The following DNAAF9 variants were observed in gnomAD, a reference collection of about 807,000 sequenced individuals.
The protein encoded by DNAAF9 is shulin.
In DNAAF9, 90 loss-of-function variants were observed where a neutral mutation model predicts 167.0. That is an observed-to-expected ratio of 0.54 (90% confidence interval 0.45 to 0.64). The LOEUF is 0.64. Ranked by LOEUF, DNAAF9 falls within the 30% of genes least tolerant of loss-of-function variation. DNAAF9 has a pLI of 0.00. For missense variants in DNAAF9, 1,315 were observed against 1,442.2 expected (o/e 0.91, Z 1.43); for synonymous variants, 491 against 508.8 (o/e 0.96, Z 0.47).
intron 26 of DNAAF9, among the ~76,000 whole-genome samples, chr20:3,288,572 T>C (rs1263220225): frequency 1.3e-5 from 2 of 152,220 alleles, no homozygotes; most frequent in East Asian, 3.8e-4. Context: ...TTCCCAAGCA[T>C]TGCTCTGTAA....
chr20:3,340,454 C>CCCCCCCCCCAG, intron 10 of DNAAF9, 50 bp downstream of exon 10: 1 of 1,053,078 alleles, frequency 9.5e-7, no homozygotes, highest in Non-Finnish European at 1.3e-6. Flanking sequence ...ACCCCACCCC[C>CCCCCCCCCCAG]ACAACTTGAT....
chr20:3,259,923 T>C lies in DNAAF9; in HGVS notation c.2979A>G (p.Lys993=), dbSNP rs2068350548. 1.9e-6 allele frequency: 3 copies of C among 1,584,790 alleles called. No homozygotes were observed. Among genetic ancestry groups the C allele is most frequent in the Non-Finnish European group, 2.6e-6 (3 of 1,153,144 alleles). The stretch of plus-strand genomic sequence containing the variant: ...TAGGACATCTCAGTCAAGGCTTACC[T>C]TTACATTTGGCCACAAAGCGAGTCT... ...LEKTRFVAKC[K]AIQSSIKPSP... is the part of the protein sequence containing the mutation. The change falls in exon 32 of 37, where the codon AAA becomes AAG. Residue 993 remains lysine, a splice_region_variant and synonymous_variant. Coordinates refer to ENST00000252032, the MANE Select transcript of DNAAF9 (RefSeq NM_001009984.3).
intron 30 of DNAAF9, among the ~76,000 whole-genome samples, chr20:3,265,946 T>C (rs1028465614): frequency 6.6e-6 from 1 of 152,056 alleles, no homozygotes; most frequent in South Asian, 2.1e-4. Context: ...TCCTAAAGCG[T>C]TGGGATTACA....
intron 23 of DNAAF9, chr20:3,296,165 C>A (rs1780672304): frequency 1.7e-6 from 1 of 595,280 alleles, no homozygotes; most frequent in African/African-American, 1.8e-5. Context: ...TGTAGTCCCA[C>A]CTGCTAAGCG....
At chr20:3,318,039 T>C (rs1161518879) in intron 17 of DNAAF9, among the ~76,000 whole-genome samples, 2 of 152,112 alleles carry the variant, frequency 1.3e-5, no homozygotes, top group East Asian at 3.8e-4. Flanking sequence ...TATCTTTTCT[T>C]ATTAATTTTG....
chr20:3,285,612 G>A (rs2068837285), intron 27 of DNAAF9, among the ~76,000 whole-genome samples: 1 of 151,772 alleles, frequency 6.6e-6, no homozygotes. Context: ...CCAGGAGGCG[G>A]AGGTTGCAGT....
chr20:3,293,961 A>C (rs1480399391), intron 25 of DNAAF9, among the ~76,000 whole-genome samples, 178 bp downstream of exon 25: 1 of 150,976 alleles, frequency 6.6e-6, no homozygotes, highest in Non-Finnish European at 1.5e-5. Flanking sequence ...CACCTGACAC[A>C]GTCATTGTAT....
In DNAAF9 at chr20:3,375,099, AT is replaced by A. The variant is rs1394623486; in HGVS notation, c.435del (p.Glu145AspfsTer57). The part of the protein sequence containing the change: ...NEYEDEEAAE[E>X]FKITSFVDMV... ...ATGTCCACAAAGCTGGTAATTTTAAATTCTTCTGCGGCTTCTTCATCTTCAT... is the reference window on the plus strand; with the variant it reads ...ATGTCCACAAAGCTGGTAATTTTAAATCTTCTGCGGCTTCTTCATCTTCAT... On this transcript the variant is annotated frameshift_variant, in exon 5 of 37. Transcript: ENST00000252032. LOFTEE classifies it high-confidence loss of function. 1 of 1,611,342 alleles carries A rather than the reference AT, an allele frequency of 6.2e-7. No homozygotes were observed. The highest frequency in any genetic ancestry group is 2.2e-5 in the East Asian group (1 of 44,846).
At chr20:3,385,079 A>G (rs963620194) in intron 1 of DNAAF9, among the ~76,000 whole-genome samples, 1 of 152,128 alleles carries the variant, frequency 6.6e-6, no homozygotes, top group African/African-American at 2.4e-5. Flanking sequence ...GATAAAGATC[A>G]TTTAAAAAAC....
At chr20:3,339,547 A>C (rs575009782) in intron 10 of DNAAF9, among the ~76,000 whole-genome samples, 154 of 152,180 alleles carry the variant, frequency 1.0e-3, no homozygotes, top group Middle Eastern at 3.4e-3. Flanking sequence ...GTTCCCTGTG[A>C]ACTCCATCTT....
intron 35 of DNAAF9, among the ~76,000 whole-genome samples, chr20:3,254,955 G>C (rs999695586): frequency 3.9e-5 from 6 of 152,206 alleles, no homozygotes; most frequent in Admixed American, 6.5e-5. Flanking sequence ...TGCCAAGGCA[G>C]GGCTTCTGGT....
chr20:3,255,432 T>A lies in DNAAF9; in HGVS notation c.3262-148A>T, dbSNP rs2068261558. 16 of 596,304 alleles carry A rather than the reference T, an allele frequency of 2.7e-5. 1 individual carries two copies. In the South Asian group the frequency reaches 3.0e-4, roughly 11 times the overall value. 36.9% of individuals were successfully genotyped at this position (596,304 alleles called of 1,614,324 possible). ...GGCCTGGATATAATATTCTGTCTAG[T>A]CTGCTCTTTGAGAAAACCACTTTCC... On this transcript the variant is annotated intron_variant, in intron 34 of 36. Coordinates refer to ENST00000252032, the MANE Select transcript of DNAAF9 (RefSeq NM_001009984.3).
intron 24 of DNAAF9, 87 bp from the exon 25 acceptor site, chr20:3,294,343 G>T: frequency 1.1e-6 from 1 of 931,442 alleles, no homozygotes; most frequent in Non-Finnish European, 1.7e-6. Context: ...TTACTTAATT[G>T]CTGAAAAATA....
At chr20:3,375,251 G>A in intron 4 of DNAAF9, 125 bp from the exon 5 acceptor site, 1 of 639,394 alleles carries the variant, frequency 1.6e-6, no homozygotes, top group South Asian at 2.0e-5. Flanking sequence ...CACCCAAGGA[G>A]GTGTTTCCAA....
chr20:3,264,444 G>A lies in DNAAF9; in HGVS notation c.2867C>T (p.Pro956Leu). Reference protein sequence around the residue: ...EMLRSRYLMYPGWYEGKLNAG... With the variant: ...EMLRSRYLMYLGWYEGKLNAG... ...TTTCAATGATGATACTTGCCAGCCA[G>A]GATACATTAAATATCGAGATCGTAG... Residue 956 changes from proline (P) to leucine (L), a missense_variant, in exon 31 of 37, where the codon CCT becomes CTT. Coordinates refer to ENST00000252032, the MANE Select transcript of DNAAF9 (RefSeq NM_001009984.3). The A allele has an allele frequency of 7.0e-7, 1 of 1,427,138 alleles. No homozygotes were observed. Among genetic ancestry groups the A allele is most frequent in the South Asian group, 1.2e-5 (1 of 86,888 alleles). The allele number at this position is 1,427,138 out of a possible 1,614,324, so 88.4% of individuals were successfully genotyped here. A position where few individuals can be genotyped will look rare whatever the true frequency, so the allele number is the denominator to read the frequency against.
chr20:3,301,810 C>G (rs113870886), intron 21 of DNAAF9, among the ~76,000 whole-genome samples: 1 of 152,030 alleles, frequency 6.6e-6, no homozygotes, highest in Non-Finnish European at 1.5e-5. Context: ...TGAACTGGGA[C>G]TCAGTGTTTT....
intron 27 of DNAAF9, among the ~76,000 whole-genome samples, chr20:3,287,253 G>C (rs889882428): frequency 3.9e-5 from 6 of 152,198 alleles, no homozygotes; most frequent in African/African-American, 1.4e-4. Context: ...AGACTGCAGA[G>C]TATGAGGGTC....
intron 20 of DNAAF9, among the ~76,000 whole-genome samples, chr20:3,310,856 GCACTGCACACT>G (rs1181645917): frequency 6.6e-6 from 1 of 152,094 alleles, no homozygotes; most frequent in African/African-American, 2.4e-5. Context: ...AATAATAACA[GCACTGCACACT>G]CACCACAGTG....
intron 11 of DNAAF9, among the ~76,000 whole-genome samples, 182 bp downstream of exon 11, chr20:3,332,098 A>C (rs991587156): frequency 1.3e-5 from 2 of 152,240 alleles, no homozygotes; most frequent in Non-Finnish European, 2.9e-5. Context: ...CTTGAAACAC[A>C]TTCTGTGAGA....
Sources: gnomAD v4.1 joint callset for allele counts (sites outside exome capture counted in the v4.1 genomes callset) on GRCh38, gnomAD v4.1.1 for gene constraint, MANE v1.5 for transcripts, NCBI Gene and HGNC (gene_info 2026-07-23, HGNC 2026-07-21) for gene names.